Variants in ANKRD31 observed in about 807,000 individuals in gnomAD.
ANKRD31 encodes ankyrin repeat domain-containing protein 31.
Under a neutral mutation model 186.0 loss-of-function variants are expected in ANKRD31, and 147 were observed. The observed-to-expected ratio is 0.79, with a 90% CI of 0.69 to 0.91. The LOEUF is 0.91. ANKRD31 is among the 40% of genes least tolerant of loss of function. The probability of loss-of-function intolerance (pLI) is 0.00; values close to 1 mark genes in which losing one functional copy is unlikely to be tolerated. For missense variants in ANKRD31, 1,986 were observed against 2,148.8 expected (o/e 0.92, Z 1.50); for synonymous variants, 673 against 736.4 (o/e 0.91, Z 1.39).
chr5:75,188,955 A>T (rs1273600507), intron 9 of ANKRD31, among the ~76,000 whole-genome samples: 1 of 152,196 alleles, frequency 6.6e-6, no homozygotes, highest in Non-Finnish European at 1.5e-5. Flanking sequence ...ATATGAAAAG[A>T]CTAACAGATA....
At chr5:75,167,538 C>T (rs1753014891) in intron 11 of ANKRD31, among the ~76,000 whole-genome samples, 1 of 152,206 alleles carries the variant, frequency 6.6e-6, no homozygotes, top group Non-Finnish European at 1.5e-5. Context: ...CACCACTAGT[C>T]AGGATATGCC....
At chr5:75,183,941 C>T (rs1274242235) in intron 10 of ANKRD31, among the ~76,000 whole-genome samples, 1 of 151,978 alleles carries the variant, frequency 6.6e-6, no homozygotes, top group Non-Finnish European at 1.5e-5. Flanking sequence ...AAAAGACCCC[C>T]AAACAGCCAA....
At chr5:75,172,891 G>A (rs926456825) in intron 10 of ANKRD31, among the ~76,000 whole-genome samples, 3 of 152,130 alleles carry the variant, frequency 2.0e-5, no homozygotes, top group Admixed American at 2.0e-4. Context: ...ATTTTATGAG[G>A]CCAACATCAT....
intron 15 of ANKRD31, 42 bp from the exon 16 acceptor site, chr5:75,139,025 C>A: frequency 6.5e-7 from 1 of 1,531,418 alleles, no homozygotes; most frequent in Non-Finnish European, 8.7e-7. Context: ...CTGCCAAATG[C>A]TGATTGTTAT....
At chr5:75,071,134 C>T (rs1056970853) in intron 25 of ANKRD31, among the ~76,000 whole-genome samples, 1 of 152,006 alleles carries the variant, frequency 6.6e-6, no homozygotes, top group East Asian at 1.9e-4. Context: ...GTTTTGGTAA[C>T]AGCTCTGAAG....
chr5:75,154,244 G>C lies in ANKRD31; in HGVS notation c.1809C>G (p.Leu603=), dbSNP rs1370764287. ...DEAKDLCMKR[L]LERYIPKHQK... is the part of the protein sequence containing the mutation. ...GATGTTTAGGGATATATCTCTCAAGGAGACGCTTCATACATAAATCCTTGG... is the reference window on the plus strand; with the variant it reads ...GATGTTTAGGGATATATCTCTCAAGCAGACGCTTCATACATAAATCCTTGG... The change falls in exon 12 of 26, where the codon CTC becomes CTG. Residue 603 remains leucine, a synonymous_variant. Coordinates refer to ENST00000506364, the MANE Select transcript of ANKRD31 (RefSeq NM_001372053.1). 13 of 1,533,628 alleles carry C rather than the reference G, an allele frequency of 8.5e-6. No homozygotes were observed. Among genetic ancestry groups the C allele is most frequent in the South Asian group, 3.6e-5 (3 of 83,440 alleles).
chr5:75,124,639 A>T (rs1405721625), intron 17 of ANKRD31, among the ~76,000 whole-genome samples: 1 of 152,192 alleles, frequency 6.6e-6, no homozygotes, highest in Non-Finnish European at 1.5e-5. Flanking sequence ...CTCAGCCATA[A>T]CAAAGAATGG....
chr5:75,230,640 C>T lies in ANKRD31; in HGVS notation c.105-5G>A. 6.6e-7 allele frequency: 1 copy of T among 1,518,756 alleles called. No homozygotes were observed. Among genetic ancestry groups the T allele is most frequent in the Non-Finnish European group, 8.7e-7 (1 of 1,143,424 alleles). The allele number at this position is 1,518,756 out of a possible 1,614,324, so 94.1% of individuals were successfully genotyped here. A position where few individuals can be genotyped will look rare whatever the true frequency, so the allele number is the denominator to read the frequency against. On this transcript the variant is annotated splice_region_variant and splice_polypyrimidine_tract_variant and intron_variant, in intron 1 of 25. Coordinates refer to ENST00000506364, the MANE Select transcript of ANKRD31 (RefSeq NM_001372053.1). ...GCGTCTTGATCAAACAGCAACCTTT[C>T]AAATACCAAAAGGGAAGGCACAAGT...
intron 25 of ANKRD31, among the ~76,000 whole-genome samples, chr5:75,076,050 AAT>A (rs10591898): frequency 0.51 from 76,601 of 151,426 alleles, 22,391 homozygotes; most frequent in African/African-American, 0.82. Context: ...GCTTACTCTG[AAT>A]ATATATATAT....
Position 75,195,594 on chromosome 5 carries a change from C to A in ANKRD31, c.1017+37G>T. On this transcript the variant is annotated intron_variant, in intron 7 of 25. Transcript: ENST00000506364. ...AGCTCAGCTAACTTGGAACCATGTT[C>A]AAATGGTGGAGTAGAACAAAGAAAT... 3.5e-6 allele frequency: 5 copies of A among 1,446,460 alleles called. No individual in the cohort carries two copies. In the South Asian group the frequency reaches 7.1e-5, roughly 20 times the overall value. 89.6% of individuals were successfully genotyped at this position (1,446,460 alleles called of 1,614,324 possible). A position where few individuals can be genotyped will look rare whatever the true frequency, so the allele number is the denominator to read the frequency against.
In ANKRD31 at chr5:75,104,702, C is replaced by T. The variant is rs1580335395; in HGVS notation, c.4857G>A (p.Glu1619=). 3 of 1,536,868 alleles carry T rather than the reference C, an allele frequency of 2.0e-6. No homozygotes were observed. The highest frequency in any genetic ancestry group is 2.6e-6 in the Non-Finnish European group (3 of 1,146,788). ...TGTCTGTAGCTTCTGTAAGATCATT[C>T]TCTTTCTGTGAATATTCTGTTTGAC... ...FIGQTEYSQK[E]NDLTEATDKD... Residue 1619 remains glutamate, a synonymous_variant, in exon 22 of 26, where the codon GAG becomes GAA. Transcript: ENST00000506364.
intron 10 of ANKRD31, among the ~76,000 whole-genome samples, chr5:75,176,083 T>A (rs558503474): frequency 4.6e-5 from 7 of 152,232 alleles, no homozygotes; most frequent in African/African-American, 1.7e-4. Flanking sequence ...ACCAGGAGAT[T>A]ATATCCCGCA....
intron 10 of ANKRD31, among the ~76,000 whole-genome samples, chr5:75,171,247 A>G (rs1426454229): frequency 2.6e-5 from 4 of 152,100 alleles, no homozygotes; most frequent in Non-Finnish European, 5.9e-5. Flanking sequence ...AAATGCAAAA[A>G]GGTCAAAATC....
intron 25 of ANKRD31, among the ~76,000 whole-genome samples, chr5:75,079,949 T>A (rs1744957185): frequency 6.6e-6 from 1 of 151,764 alleles, no homozygotes; most frequent in African/African-American, 2.4e-5. Context: ...CAAAAAAAAA[T>A]TAGCTGGGCA....
chr5:75,227,385 A>T (rs1757694880), intron 2 of ANKRD31, among the ~76,000 whole-genome samples: 1 of 152,238 alleles, frequency 6.6e-6, no homozygotes, highest in Non-Finnish European at 1.5e-5. Flanking sequence ...GAGTATAGTC[A>T]AAATTAATTA....
In ANKRD31 at chr5:75,188,523, CTTT is replaced by C; in HGVS notation, c.1531_1533del (p.Lys511del). 1 of 1,535,592 alleles carries C rather than the reference CTTT, an allele frequency of 6.5e-7. No individual in the cohort carries two copies. Among genetic ancestry groups the C allele is most frequent in the Admixed American group, 2.0e-5 (1 of 50,752 alleles). On this transcript the variant is annotated inframe_deletion, in exon 10 of 26. Transcript: ENST00000506364. The stretch of plus-strand genomic sequence containing the variant: ...TAACTTGGCTGATTAACATTTCCAC[CTTT>C]TTTTATACAATGATGAACAAGATCA...
In ANKRD31 at chr5:75,163,256, T is replaced by C. The variant is rs368337393; in HGVS notation, c.1707+5723A>G. Among the ~76,000 whole-genome samples the C allele has an allele frequency of 1.7e-4, 26 of 152,334 alleles. No individual in the cohort carries two copies. The East Asian group carries it at 4.1e-3, about 24-fold the overall frequency. ...GAATATTTGCACTACCCTATGGGTA[T>C]GATGCAGGCCTTTTTGACACTTTCA... On this transcript the variant is annotated intron_variant, in intron 11 of 25. Transcript: ENST00000506364.
Position 75,107,574 on chromosome 5 carries a change from A to C in ANKRD31, c.4287T>G (p.Asp1429Glu). ...CTGCTTTCTGCTTGGCAAGCACATT[A>C]TCCATAATCTTTTTTATCTTTAACA... ...EKMLKIKKIM[D>E]NVLAKQKAER... Residue 1429 changes from aspartate to glutamate, a missense_variant, in exon 21 of 26, where the codon GAT (aspartate) becomes GAG (glutamate). Physicochemically the swap from Asp to Glu is conservative, Grantham distance 45. Coordinates refer to ENST00000506364, the MANE Select transcript of ANKRD31 (RefSeq NM_001372053.1). 2 of 1,532,628 alleles carry C rather than the reference A, an allele frequency of 1.3e-6. No homozygotes were observed. Among genetic ancestry groups the C allele is most frequent in the Non-Finnish European group, 1.7e-6 (2 of 1,144,462 alleles). The allele number at this position is 1,532,628 out of a possible 1,614,324, so 94.9% of individuals were successfully genotyped here.
At chr5:75,143,045 G>A (rs1029732128) in intron 15 of ANKRD31, among the ~76,000 whole-genome samples, 112 of 152,256 alleles carry the variant, frequency 7.4e-4, no homozygotes, top group South Asian at 2.1e-4. Flanking sequence ...TACTCCCTCT[G>A]GAAGCTCTAG....
Sources: allele counts gnomAD v4.1 joint callset (sites outside exome capture counted in the v4.1 genomes callset), GRCh38; gene constraint gnomAD v4.1.1; transcripts MANE v1.5; gene names NCBI Gene and HGNC (gene_info 2026-07-23, HGNC 2026-07-21).